ZNF280D: variants seen among roughly 807,000 people sequenced by gnomAD.
The protein encoded by ZNF280D is suppressor of hairy wing homolog 4.
Under a neutral mutation model 94.7 loss-of-function variants are expected in ZNF280D, and 39 were observed. That is an observed-to-expected ratio of 0.41 (90% CI 0.32 to 0.54). ZNF280D has a LOEUF of 0.54. Among genes scored for constraint, ZNF280D ranks in the 20% least tolerant of loss-of-function variants. The pLI is 0.22. For missense variants in ZNF280D, 1,090 were observed against 1,149.3 expected (o/e 0.95, Z 0.75); for synonymous variants, 398 against 377.6 (o/e 1.05, Z -0.63).
At chr15:56,674,749 T>A (rs1199485876) in intron 13 of ZNF280D, among the ~76,000 whole-genome samples, 2 of 151,486 alleles carry the variant, frequency 1.3e-5, no homozygotes, top group Non-Finnish European at 2.9e-5. Flanking sequence ...AACTGCTTGT[T>A]TTATTAAAGC....
At chr15:56,726,489 G>A (rs1458572654) in intron 1 of ZNF280D, among the ~76,000 whole-genome samples, 2 of 152,082 alleles carry the variant, frequency 1.3e-5, no homozygotes, top group African/African-American at 4.8e-5. Flanking sequence ...ATTATTATGT[G>A]GGTCTATAAC....
At chr15:56,655,279 C>T (rs2140698964) in intron 17 of ZNF280D, among the ~76,000 whole-genome samples, 1 of 152,340 alleles carries the variant, frequency 6.6e-6, no homozygotes, top group South Asian at 2.1e-4. Flanking sequence ...GTGATCTCAG[C>T]TCACTGCAAC....
chr15:56,633,359 A>G (rs2052184978), intron 21 of ZNF280D, among the ~76,000 whole-genome samples: 1 of 152,216 alleles, frequency 6.6e-6, no homozygotes, highest in Non-Finnish European at 1.5e-5. Context: ...ATACTTTAGA[A>G]CTAAACAAAT....
At chr15:56,656,087 T>C (rs1442587407) in intron 17 of ZNF280D, among the ~76,000 whole-genome samples, 5 of 152,160 alleles carry the variant, frequency 3.3e-5, no homozygotes, top group East Asian at 3.9e-4. Flanking sequence ...ATAAGTCTCA[T>C]TGCACTTATT....
chr15:56,694,006 A>C (rs1482852631), intron 6 of ZNF280D, among the ~76,000 whole-genome samples: 2 of 152,004 alleles, frequency 1.3e-5, no homozygotes, highest in Non-Finnish European at 2.9e-5. Flanking sequence ...TTTAGAACAG[A>C]AGTTGTTTAT....
At chr15:56,687,656 T>C (rs534538674) in intron 9 of ZNF280D, among the ~76,000 whole-genome samples, 18 of 152,286 alleles carry the variant, frequency 1.2e-4, no homozygotes, top group African/African-American at 4.1e-4. Flanking sequence ...AGATAAAGAA[T>C]GTAGTCTTTG....
intron 19 of ZNF280D, chr15:56,653,754 A>C: frequency 7.8e-7 from 1 of 1,279,692 alleles, no homozygotes; most frequent in South Asian, 2.8e-5. Context: ...TCTGAAGGCA[A>C]GTACAGCAGA....
rs1461998639 is a variant in ZNF280D at position 56,677,674 on chromosome 15, G to C, written c.1163C>G (p.Thr388Ser). The C allele has an allele frequency of 6.7e-7, 1 of 1,499,028 alleles. No individual in the cohort carries two copies. The highest frequency in any genetic ancestry group is 1.4e-5 in the African/African-American group (1 of 71,684). 92.9% of individuals were successfully genotyped at this position (1,499,028 alleles called of 1,614,324 possible). ...TGACAATTCACAGATTTTACAAATA[G>C]CTAAATGTGGGAGAGAAACAGTATA... ...ESTHTPHEFS[T>S]ICKICELSFE... is the part of the protein sequence containing the mutation. Residue 388 changes from threonine (T) to serine (S), a missense_variant and splice_region_variant, in exon 12 of 22, where the codon ACT becomes AGT. Physicochemically the swap from Thr to Ser is moderately conservative, Grantham distance 58. Transcript: ENST00000267807.
At chr15:56,725,283 A>C (rs560075026) in intron 1 of ZNF280D, among the ~76,000 whole-genome samples, 1 of 152,188 alleles carries the variant, frequency 6.6e-6, no homozygotes, top group Admixed American at 6.5e-5. Flanking sequence ...TGATCAAAAA[A>C]AGATGTGTGG....
chr15:56,701,468 T>C (rs1363810591), intron 4 of ZNF280D, among the ~76,000 whole-genome samples: 7 of 152,126 alleles, frequency 4.6e-5, no homozygotes, highest in African/African-American at 1.4e-4. Context: ...ATCTTTCTCA[T>C]TGTAACTCAA....
At chr15:56,733,244 C>T (rs1436175627) in intron 1 of ZNF280D, among the ~76,000 whole-genome samples, 2 of 151,966 alleles carry the variant, frequency 1.3e-5, no homozygotes, top group African/African-American at 4.8e-5. Context: ...CGCGTCGCGC[C>T]GGGATACCTC....
In ZNF280D at chr15:56,635,240, C is replaced by G. The variant is rs576603964; in HGVS notation, c.2270G>C (p.Arg757Thr). The G allele has an allele frequency of 1.3e-6, 2 of 1,528,556 alleles. No homozygotes were observed. The highest frequency in any genetic ancestry group is 1.3e-5 in the South Asian group (1 of 76,720). The allele number at this position is 1,528,556 out of a possible 1,614,324, so 94.7% of individuals were successfully genotyped here. A position where few individuals can be genotyped will look rare whatever the true frequency, so the allele number is the denominator to read the frequency against. ...TGTTTCTCTTTCAGCCATGTTAGGT[C>G]TTGCAATTTCCTGAAATAATTAATA... ...EQEPVSKEIA[R>T]PNMAERETET... The change falls in exon 21 of 22, where the codon AGA (arginine) becomes ACA (threonine). Residue 757 changes from arginine (R) to threonine (T), a missense_variant. Arg to Thr is a moderately conservative substitution (Grantham distance 71). Transcript: ENST00000267807.
intron 1 of ZNF280D, 48 bp from the exon 2 acceptor site, chr15:56,707,354 A>AT: frequency 4.1e-6 from 6 of 1,449,456 alleles, no homozygotes; most frequent in Non-Finnish European, 5.5e-6. Context: ...ATTAAATTAG[A>AT]TGTATACATA....
chr15:56,722,022 C>G (rs1365869779), intron 1 of ZNF280D, among the ~76,000 whole-genome samples: 2 of 152,100 alleles, frequency 1.3e-5, no homozygotes, highest in African/African-American at 4.8e-5. Context: ...CACTTACAGG[C>G]CATTATAAAG....
chr15:56,643,077 CTAAAA>C, intron 19 of ZNF280D, 80 bp from the exon 20 acceptor site: 1 of 893,342 alleles, frequency 1.1e-6, no homozygotes, highest in South Asian at 2.6e-5. Flanking sequence ...CTCTGCCAGC[CTAAAA>C]TAATTAAAAT....
intron 4 of ZNF280D, 38 bp downstream of exon 4, chr15:56,704,083 C>A (rs767656905): frequency 3.1e-6 from 5 of 1,608,140 alleles, no homozygotes; most frequent in Non-Finnish European, 4.2e-6. Context: ...AGAAATAATA[C>A]CTTATAAAGC....
intron 20 of ZNF280D, among the ~76,000 whole-genome samples, chr15:56,640,597 T>C (rs1328052863): frequency 2.0e-5 from 3 of 152,144 alleles, no homozygotes; most frequent in African/African-American, 7.2e-5. Context: ...CAACAGTACA[T>C]TTTCAAATCT....
At chr15:56,693,014 G>T in intron 7 of ZNF280D, 84 bp downstream of exon 7, 1 of 762,148 alleles carries the variant, frequency 1.3e-6, no homozygotes, top group Non-Finnish European at 2.2e-6. Context: ...CAAGGGTAGG[G>T]ACTTCAAAAC....
intron 13 of ZNF280D, among the ~76,000 whole-genome samples, chr15:56,676,423 A>G (rs2055238660): frequency 6.6e-6 from 1 of 152,024 alleles, no homozygotes; most frequent in Non-Finnish European, 1.5e-5. Context: ...TTTTTCTGTC[A>G]ATCCTCAGCT....
Sources: gnomAD v4.1 joint callset for allele counts (sites outside exome capture counted in the v4.1 genomes callset) on GRCh38, gnomAD v4.1.1 for gene constraint, MANE v1.5 for transcripts, NCBI Gene and HGNC (gene_info 2026-07-23, HGNC 2026-07-21) for gene names.